ZNF600: variants seen among roughly 807,000 people sequenced by gnomAD.
ZNF600 encodes zinc finger protein KR-ZNF1.
Under a neutral mutation model 7.3 loss-of-function variants are expected in ZNF600, and 4 were observed. The observed-to-expected ratio is 0.55, with a 90% CI of 0.27 to 1.25. ZNF600 has a LOEUF of 1.25. Among genes scored for constraint, ZNF600 ranks in the 50% most tolerant of loss-of-function variants. The pLI, the probability that ZNF600 is intolerant of heterozygous loss-of-function variation, is 0.12. For synonymous variants in ZNF600, 290 were observed against 308.9 expected (o/e 0.94, Z 0.64); for missense variants, 911 against 922.1 (o/e 0.99, Z 0.16).
At chr19:52,820,387 G>A in the ZNF600 span, among the ~76,000 whole-genome samples, 2 of 123,846 alleles carry the variant, frequency 1.6e-5, no homozygotes, top group East Asian at 2.3e-4. Context: ...AAAGTGCTGG[G>A]ATTACAGGCG....
the ZNF600 span, among the ~76,000 whole-genome samples, chr19:52,824,549 C>T: frequency 6.6e-6 from 1 of 152,200 alleles, no homozygotes; most frequent in South Asian, 2.1e-4. Flanking sequence ...ACAGAAGAAT[C>T]AATTGAACCT....
At chr19:52,815,720 G>A in the ZNF600 span, among the ~76,000 whole-genome samples, 12 of 145,826 alleles carry the variant, frequency 8.2e-5, 2 homozygotes, top group African/African-American at 3.2e-4. Flanking sequence ...AGCTACTCGG[G>A]AGGCTGAGGC....
chr19:52,785,913 C>T (rs1024179087), intron 1 of ZNF600, among the ~76,000 whole-genome samples: 9 of 152,164 alleles, frequency 5.9e-5, no homozygotes, highest in African/African-American at 2.2e-4. Flanking sequence ...TTTTCTCCTC[C>T]TGCTTTCTTA....
At chr19:52,801,700 T>G in the ZNF600 span, 1 of 1,610,366 alleles carries the variant, frequency 6.2e-7, no homozygotes, top group South Asian at 1.1e-5. Flanking sequence ...TTGGAAGAGA[T>G]ATCTACAAAA....
the ZNF600 span, chr19:52,807,987 C>A: frequency 1.3e-5 from 21 of 1,612,546 alleles, no homozygotes; most frequent in African/African-American, 4.0e-5. Flanking sequence ...AAGGGCACAT[C>A]CCCAGGAGGT....
the ZNF600 span, among the ~76,000 whole-genome samples, chr19:52,822,383 CTT>C: frequency 6.6e-6 from 1 of 152,010 alleles, no homozygotes; most frequent in Non-Finnish European, 1.5e-5. Flanking sequence ...AGGAAATACT[CTT>C]TACTTTGCTT....
chr19:52,806,738 C>G, the ZNF600 span, among the ~76,000 whole-genome samples: 4 of 151,808 alleles, frequency 2.6e-5, no homozygotes, highest in African/African-American at 9.7e-5. Flanking sequence ...ACTGTCTCTA[C>G]TAAAAACACA....
At chr19:52,778,896 T>C in exon 2 of ZNF600, 1 of 1,601,030 alleles carries the variant, frequency 6.2e-7, no homozygotes, top group Non-Finnish European at 8.5e-7. Flanking sequence ...CATGAGTCTT[T>C]AGGAATCAAT....
the ZNF600 span, among the ~76,000 whole-genome samples, chr19:52,827,287 T>C: frequency 6.7e-6 from 1 of 150,118 alleles, no homozygotes; most frequent in Admixed American, 6.6e-5. Flanking sequence ...TGGCTTCAAA[T>C]GCATTACAAA....
At chr19:52,806,776 C>T in the ZNF600 span, among the ~76,000 whole-genome samples, 2 of 151,872 alleles carry the variant, frequency 1.3e-5, no homozygotes, top group Non-Finnish European at 2.9e-5. Context: ...GTGGTGAGCG[C>T]CTGCAGTTCC....
chr19:52,820,682 A>T, the ZNF600 span, among the ~76,000 whole-genome samples: 1 of 152,016 alleles, frequency 6.6e-6, no homozygotes, highest in Non-Finnish European at 1.5e-5. Context: ...ATGAGCCTCC[A>T]CATTTCTGCC....
chr19:52,832,488 G>A, the ZNF600 span, among the ~76,000 whole-genome samples: 3 of 151,898 alleles, frequency 2.0e-5, no homozygotes, highest in Non-Finnish European at 4.4e-5. Flanking sequence ...CCAGCCACTC[G>A]GGAGGCTAAG....
chr19:52,786,489 A>G (rs2062764589), intron 1 of ZNF600, 106 bp downstream of exon 1: 1 of 152,488 alleles, frequency 6.6e-6, no homozygotes, highest in African/African-American at 2.4e-5. Flanking sequence ...AGCAGGAAAA[A>G]TACGCGATAG....
chr19:52,787,880 A>T (rs1471583977), upstream of ZNF600, among the ~76,000 whole-genome samples: 1 of 115,458 alleles, frequency 8.7e-6, no homozygotes, highest in East Asian at 2.0e-4. Flanking sequence ...AAGAAAAAGA[A>T]AAAGAAAAAG....
At chr19:52,826,911 T>C in the ZNF600 span, among the ~76,000 whole-genome samples, 1 of 151,568 alleles carries the variant, frequency 6.6e-6, no homozygotes, top group East Asian at 1.9e-4. Flanking sequence ...AAGTGCAGAG[T>C]CCAGCCAGGC....
the ZNF600 span, chr19:52,809,955 G>C: frequency 1.2e-6 from 1 of 813,974 alleles, no homozygotes; most frequent in South Asian, 1.4e-5. Flanking sequence ...GGGGGGCGCA[G>C]GGGACGATGG....
chr19:52,768,686 C>T (rs1043893972), intron 3 of ZNF600, among the ~76,000 whole-genome samples: 15 of 151,960 alleles, frequency 9.9e-5, no homozygotes, highest in African/African-American at 3.6e-4. Flanking sequence ...CCTGGGGTTA[C>T]AGGCATGCAC....
chr19:52,809,422 G>A, the ZNF600 span, among the ~76,000 whole-genome samples: 1 of 152,096 alleles, frequency 6.6e-6, no homozygotes, highest in Admixed American at 6.6e-5. Flanking sequence ...ATGAAATATC[G>A]AACTAAAATA....
chr19:52,767,407 C>T, exon 4 of ZNF600: 1 of 1,614,114 alleles, frequency 6.2e-7, no homozygotes, highest in Non-Finnish European at 8.5e-7. Context: ...GAGGGAGCAT[C>T]ACTGGTAGAC....
Sources: allele counts gnomAD v4.1 joint callset (sites outside exome capture counted in the v4.1 genomes callset), GRCh38; gene constraint gnomAD v4.1.1; transcripts MANE v1.5; gene names NCBI Gene and HGNC (gene_info 2026-07-23, HGNC 2026-07-21).